The following GPHN variants were observed in gnomAD, a reference collection of about 807,000 sequenced individuals.
GPHN encodes the protein gephyrin.
GPHN carries 17 observed loss-of-function variants against 95.5 expected under a neutral mutation model. The ratio of observed to expected loss-of-function variants is 0.18; its 90% CI spans 0.12 to 0.27. The LOEUF (loss-of-function observed/expected upper bound fraction) is 0.27, where lower values mean the gene tolerates loss of function less well. Among genes scored for constraint, GPHN ranks in the 10% least tolerant of loss-of-function variants. The pLI is 1.00. For missense variants in GPHN, 660 were observed against 978.1 expected (o/e 0.67, Z 4.34); for synonymous variants, 320 against 322.5 (o/e 0.99, Z 0.08).
chr14:67,473,671 A>G, the GPHN span: 8 of 1,581,672 alleles, frequency 5.1e-6, no homozygotes, highest in Non-Finnish European at 6.9e-6. This position sits in a 1 kb window ranked among gnomAD's most constrained non-coding sequence, Gnocchi z 6.5. Flanking sequence ...TCCCACAGGT[A>G]GGTCCAGAGC....
chr14:66,731,061 A>G (rs545155238), intron 2 of GPHN, among the ~76,000 whole-genome samples: 1 of 152,288 alleles, frequency 6.6e-6, no homozygotes, highest in African/African-American at 2.4e-5. Context: ...GCCTACCGCC[A>G]TGTAAGACAT....
chr14:66,900,617 A>G (rs2065080418), intron 5 of GPHN, among the ~76,000 whole-genome samples: 1 of 151,570 alleles, frequency 6.6e-6, no homozygotes, highest in Non-Finnish European at 1.5e-5. Flanking sequence ...TTTAGCCCCC[A>G]CATTATGAGG....
chr14:67,507,465 A>C, the GPHN span, among the ~76,000 whole-genome samples: 1 of 152,196 alleles, frequency 6.6e-6, no homozygotes, highest in Admixed American at 6.5e-5. Flanking sequence ...CAGACCCTGG[A>C]GTCCCCAGGG....
chr14:66,580,969 A>G (rs1262983060), intron 1 of GPHN, among the ~76,000 whole-genome samples: 1 of 151,852 alleles, frequency 6.6e-6, no homozygotes, highest in Non-Finnish European at 1.5e-5. Context: ...ATGATCAAGC[A>G]GGATTTATTC....
chr14:67,278,319 A>G, the GPHN span, among the ~76,000 whole-genome samples: 1,304 of 149,110 alleles, frequency 8.7e-3, 23 homozygotes, highest in African/African-American at 0.031. Context: ...TACAGGCGTG[A>G]GCCACTGCAC....
At chr14:67,386,523 G>T in the GPHN span, 1 of 152,210 alleles carries the variant, frequency 6.6e-6, no homozygotes, top group Non-Finnish European at 1.5e-5. Flanking sequence ...AGTATTGTAT[G>T]ATACAGACTT....
rs373524769 is a variant in GPHN, at chr14:66,528,616, A to G, written c.64+20025A>G. On this transcript the variant is annotated intron_variant, in intron 1 of 22. Coordinates refer to ENST00000478722, the MANE Select transcript of GPHN (RefSeq NM_020806.5). ...TGGCTGGTACTGGTTGTTCCTTTCCATGTTTAGTACTTCCTTCAGGAGCTC... is the reference window on the plus strand; with the variant it reads ...TGGCTGGTACTGGTTGTTCCTTTCCGTGTTTAGTACTTCCTTCAGGAGCTC... Among the ~76,000 whole-genome samples, 8 of 152,162 alleles carry G rather than the reference A, an allele frequency of 5.3e-5. No individual in the cohort carries two copies. The East Asian group carries it at 5.8e-4, about 11-fold the overall frequency.
chr14:66,842,820 TC>T, intron 4 of GPHN: 2 of 799,094 alleles, frequency 2.5e-6, no homozygotes, highest in Non-Finnish European at 4.0e-6. Flanking sequence ...ATTTTTCACA[TC>T]TGTTTAATTT....
chr14:67,610,707 T>G, the GPHN span, among the ~76,000 whole-genome samples: 5 of 152,164 alleles, frequency 3.3e-5, no homozygotes, highest in Admixed American at 3.3e-4. Context: ...TCCTGGGAAC[T>G]GACTCAGCTG....
intron 21 of GPHN, among the ~76,000 whole-genome samples, chr14:67,176,661 C>T (rs1437660780): frequency 6.6e-6 from 1 of 152,158 alleles, no homozygotes; most frequent in African/African-American, 2.4e-5. Context: ...GTACCAGCTC[C>T]TCTTTGTACT....
At chr14:66,797,012 A>G (rs971638519) in intron 3 of GPHN, among the ~76,000 whole-genome samples, 3 of 114,410 alleles carry the variant, frequency 2.6e-5, no homozygotes, top group African/African-American at 9.4e-5. Flanking sequence ...AGACATAGGT[A>G]TCTAGTTCCT....
At chr14:66,603,581 A>T (rs1310640385) in intron 1 of GPHN, among the ~76,000 whole-genome samples, 1 of 151,952 alleles carries the variant, frequency 6.6e-6, no homozygotes, top group African/African-American at 2.4e-5. Flanking sequence ...ATTTTTATGT[A>T]GCTTTTTATA....
the GPHN span, chr14:67,555,697 C>T: frequency 0.15 from 203,523 of 1,344,588 alleles, 16,957 homozygotes; most frequent in East Asian, 0.28. Flanking sequence ...CACTCTCGAG[C>T]CACTTGAGAT....
At chr14:66,580,612 T>C (rs1387638981) in intron 1 of GPHN, among the ~76,000 whole-genome samples, 4 of 151,758 alleles carry the variant, frequency 2.6e-5, no homozygotes, top group Admixed American at 2.6e-4. Flanking sequence ...ATACATCTTA[T>C]CAAGACTGAA....
At chr14:67,430,199 G>A in the GPHN span, among the ~76,000 whole-genome samples, 1 of 152,170 alleles carries the variant, frequency 6.6e-6, no homozygotes, top group Non-Finnish European at 1.5e-5. Flanking sequence ...CAAAACCACA[G>A]AGCTTGGATG....
the GPHN span, chr14:67,204,457 A>T: frequency 1.6e-6 from 2 of 1,240,518 alleles, no homozygotes; most frequent in Non-Finnish European, 1.1e-6. Context: ...AAACAAACAA[A>T]TATATATATA....
At chr14:67,701,688 C>T in the GPHN span, among the ~76,000 whole-genome samples, 2 of 152,078 alleles carry the variant, frequency 1.3e-5, no homozygotes, top group African/African-American at 4.8e-5. Flanking sequence ...TCCCAAAGTG[C>T]TGGGATTACA....
chr14:67,356,708 T>A, the GPHN span, among the ~76,000 whole-genome samples: 2 of 152,220 alleles, frequency 1.3e-5, no homozygotes, highest in African/African-American at 4.8e-5. Context: ...CTACGTTCAC[T>A]GTACCCCAAA....
intron 4 of GPHN, among the ~76,000 whole-genome samples, chr14:66,837,649 AT>A (rs2061903947): frequency 3.4e-5 from 5 of 148,730 alleles, no homozygotes; most frequent in South Asian, 2.1e-4. Flanking sequence ...AAATAAATAA[AT>A]AAATAAAAAG....
Sources: allele counts gnomAD v4.1 joint callset (sites outside exome capture counted in the v4.1 genomes callset), GRCh38; gene constraint gnomAD v4.1.1; non-coding constraint Gnocchi (gnomAD v3.1); transcripts MANE v1.5; gene names NCBI Gene and HGNC (gene_info 2026-07-23, HGNC 2026-07-21).